TENM2: variants seen among roughly 807,000 people sequenced by gnomAD.
The protein encoded by TENM2 is teneurin transmembrane protein 2.
A neutral mutation model predicts 245.2 loss-of-function variants in TENM2; 52 were observed. The ratio of observed to expected loss-of-function variants is 0.21; its 90% CI spans 0.17 to 0.27. TENM2 has a LOEUF of 0.27. Ranked by LOEUF, TENM2 falls within the 10% of genes least tolerant of loss-of-function variation. TENM2 has a pLI of 1.00. For missense variants in TENM2, 3,046 were observed against 3,666.8 expected, an observed-to-expected ratio of 0.83 and a Z score of 4.37; for synonymous variants, 1,363 against 1,438.9, an observed-to-expected ratio of 0.95 and a Z score of 1.19.
the TENM2 span, among the ~76,000 whole-genome samples, chr5:167,085,795 T>G: frequency 2.1e-3 from 326 of 152,316 alleles, 2 homozygotes; most frequent in African/African-American, 7.6e-3. Flanking sequence ...TCAATGCCTA[T>G]GTCAATAATC....
the TENM2 span, among the ~76,000 whole-genome samples, chr5:167,097,057 G>C: frequency 6.6e-6 from 1 of 152,102 alleles, no homozygotes; most frequent in Non-Finnish European, 1.5e-5. Flanking sequence ...ACTGTCTGCT[G>C]CGTTGTCATC....
At chr5:167,751,777 T>A (rs1761973175) in intron 2 of TENM2, among the ~76,000 whole-genome samples, 1 of 152,110 alleles carries the variant, frequency 6.6e-6, no homozygotes, top group Admixed American at 6.6e-5. Flanking sequence ...CCAGTTCACA[T>A]TATCTTTGTC....
chr5:168,118,558 GC>G, intron 10 of TENM2, 72 bp downstream of exon 12: 1 of 1,253,762 alleles, frequency 8.0e-7, no homozygotes, highest in Non-Finnish European at 1.1e-6. Context: ...TTGCTAATGA[GC>G]CCAGTCCTGG....
At chr5:167,555,451 G>A (rs1318825585) in intron 2 of TENM2, among the ~76,000 whole-genome samples, 3 of 124,840 alleles carry the variant, frequency 2.4e-5, no homozygotes, top group African/African-American at 8.2e-5. Context: ...CCTACTGTCC[G>A]TTAAACCCTG....
chr5:167,560,827 C>G (rs767368236), intron 2 of TENM2, among the ~76,000 whole-genome samples: 28 of 152,150 alleles, frequency 1.8e-4, no homozygotes, highest in Non-Finnish European at 3.8e-4. Context: ...AAAAATTACC[C>G]TCATAGCTCT....
intron 2 of TENM2, among the ~76,000 whole-genome samples, chr5:167,456,798 G>C (rs1765951778): frequency 6.6e-6 from 1 of 152,100 alleles, no homozygotes; most frequent in Non-Finnish European, 1.5e-5. Context: ...AGCTGATTTT[G>C]GTTTATGCCA....
chr5:167,114,804 A>T, the TENM2 span, among the ~76,000 whole-genome samples: 7 of 152,346 alleles, frequency 4.6e-5, no homozygotes, highest in Admixed American at 4.6e-4. Flanking sequence ...AGCAATTTTG[A>T]AAGAAGCCAA....
At chr5:168,196,951 T>C (rs1761485963) in intron 15 of TENM2, among the ~76,000 whole-genome samples, 2 of 152,176 alleles carry the variant, frequency 1.3e-5, no homozygotes, top group African/African-American at 4.8e-5. Context: ...GATCAGTTAC[T>C]CTTCAGCTTG....
At chr5:168,157,001 G>A (rs1182195722) in intron 12 of TENM2, among the ~76,000 whole-genome samples, 1 of 152,176 alleles carries the variant, frequency 6.6e-6, no homozygotes, top group Non-Finnish European at 1.5e-5. Context: ...TTTCCAGCAG[G>A]TGACAGTAAA....
chr5:167,155,894 C>A, the TENM2 span, among the ~76,000 whole-genome samples: 1 of 152,188 alleles, frequency 6.6e-6, no homozygotes, highest in African/African-American at 2.4e-5. Flanking sequence ...GCTTCTCAGG[C>A]GCGCTCTCTT....
intron 2 of TENM2, among the ~76,000 whole-genome samples, chr5:167,615,526 T>C (rs998901116): frequency 6.6e-6 from 1 of 152,188 alleles, no homozygotes; most frequent in Non-Finnish European, 1.5e-5. Flanking sequence ...GTAAGTGAGA[T>C]ATCTTTAGTT....
intron 2 of TENM2, among the ~76,000 whole-genome samples, chr5:167,530,786 G>T (rs1241564322): frequency 6.6e-6 from 1 of 152,172 alleles, no homozygotes; most frequent in Non-Finnish European, 1.5e-5. Context: ...TCCAGCAAGC[G>T]GACTTAGATG....
In TENM2 at chr5:167,755,184, A is replaced by G. The variant is rs1561743023; in HGVS notation, c.503-120802A>G. ...TTTCTCCATGGGAAGGTTGTGATGG[A>G]GTCTCTGGGTAAGGATGATGGATGT... On this transcript the variant is annotated intron_variant, in intron 2 of 28. Coordinates refer to ENST00000518659, the Ensembl canonical transcript of TENM2. The G allele has an allele frequency of 3.1e-6, 5 of 1,598,468 alleles. No homozygotes were observed. In the African/African-American group the frequency reaches 6.7e-5, roughly 21 times the overall value.
intron 2 of TENM2, among the ~76,000 whole-genome samples, chr5:167,669,435 C>G (rs1755787814): frequency 6.6e-6 from 1 of 152,150 alleles, no homozygotes; most frequent in African/African-American, 2.4e-5. Flanking sequence ...ACTCATCAGA[C>G]TGATGGTTCT....
At chr5:168,219,127 T>A in intron 23 of TENM2, 128 bp downstream of exon 25, 4 of 910,492 alleles carry the variant, frequency 4.4e-6, no homozygotes, top group Non-Finnish European at 5.0e-6. Context: ...TGATGTCTTA[T>A]GGCCTCAAGA....
At chr5:167,339,198 G>T (rs912663293) in intron 1 of TENM2, among the ~76,000 whole-genome samples, 1 of 152,152 alleles carries the variant, frequency 6.6e-6, no homozygotes, top group Non-Finnish European at 1.5e-5. Context: ...GAGACTCAAT[G>T]CATCTTAGAA....
intron 2 of TENM2, among the ~76,000 whole-genome samples, chr5:167,768,206 T>C (rs1416905021): frequency 6.6e-6 from 1 of 152,214 alleles, no homozygotes; most frequent in Non-Finnish European, 1.5e-5. Context: ...CCTATGTTTG[T>C]GTTTTCCATT....
chr5:167,892,013 C>A (rs1774799843), intron 3 of TENM2, among the ~76,000 whole-genome samples: 1 of 152,132 alleles, frequency 6.6e-6, no homozygotes. Flanking sequence ...GCTAAGCAAA[C>A]TCTATTTATA....
the TENM2 span, among the ~76,000 whole-genome samples, chr5:167,054,495 G>C: frequency 6.6e-6 from 1 of 152,132 alleles, no homozygotes; most frequent in Admixed American, 6.6e-5. Flanking sequence ...GTAAACATCT[G>C]TGTGCAGATT....
Sources: gnomAD v4.1 joint callset for allele counts (sites outside exome capture counted in the v4.1 genomes callset) on GRCh38, gnomAD v4.1.1 for gene constraint, MANE v1.5 for transcripts, NCBI Gene and HGNC (gene_info 2026-07-23, HGNC 2026-07-21) for gene names.